The following DLC1 variants were observed in gnomAD, a reference collection of about 807,000 sequenced individuals.
DLC1 encodes the protein DLC1 Rho GTPase activating protein, also known as rho GTPase-activating protein 7.
In DLC1, 54 loss-of-function variants were observed where a neutral mutation model predicts 140.3. The observed-to-expected ratio is 0.38, with a 90% CI of 0.31 to 0.48. The LOEUF is 0.48. Ranked by LOEUF, DLC1 falls within the 20% of genes least tolerant of loss-of-function variation. The probability of loss-of-function intolerance (pLI) is 0.96; values close to 1 mark genes in which losing one functional copy is unlikely to be tolerated. For synonymous variants in DLC1, 986 were observed against 728.1 expected (o/e 1.35, Z -5.70); for missense variants, 2,536 against 1,907.0 (o/e 1.33, Z -6.14).
chr8:13,575,844 G>A (rs1478801404), intron 1 of DLC1, among the ~76,000 whole-genome samples: 1 of 152,088 alleles, frequency 6.6e-6, no homozygotes, highest in Non-Finnish European at 1.5e-5. Flanking sequence ...AATTCTGAAG[G>A]GTATAAAGGA....
chr8:13,534,774 T>C (rs1225917439), intron 1 of DLC1, among the ~76,000 whole-genome samples: 3 of 152,188 alleles, frequency 2.0e-5, no homozygotes, highest in African/African-American at 7.2e-5. Flanking sequence ...AGCAATATTT[T>C]GTTGTTAGGC....
At chr8:13,519,067 G>C (rs1293330635), upstream of DLC1, among the ~76,000 whole-genome samples, 2 of 151,934 alleles carry the variant, frequency 1.3e-5, no homozygotes, top group Admixed American at 1.3e-4. Flanking sequence ...ATGTATACAT[G>C]TGCCATGTTG....
chr8:13,234,091 A>G (rs1333813028), intron 5 of DLC1, among the ~76,000 whole-genome samples: 1 of 152,206 alleles, frequency 6.6e-6, no homozygotes, highest in South Asian at 2.1e-4. Context: ...CAGTAGGCCA[A>G]TGACAACAGT....
At chr8:13,113,177 A>G (rs982818948) in intron 6 of DLC1, among the ~76,000 whole-genome samples, 2 of 152,226 alleles carry the variant, frequency 1.3e-5, no homozygotes, top group African/African-American at 2.4e-5. Flanking sequence ...CTTTTAAAAG[A>G]TGATAGTTTA....
At chr8:13,445,698 T>C (rs1035106668) in intron 2 of DLC1, among the ~76,000 whole-genome samples, 1 of 152,166 alleles carries the variant, frequency 6.6e-6, no homozygotes, top group Non-Finnish European at 1.5e-5. Flanking sequence ...TTGAGTGATA[T>C]CATCCTACCC....
intron 5 of DLC1, among the ~76,000 whole-genome samples, chr8:13,285,264 A>C (rs1485739907): frequency 6.6e-6 from 1 of 152,172 alleles, no homozygotes. Context: ...TAATGGTGCT[A>C]AAGTTAGCTA....
chr8:13,485,330 TGAC>T (rs1359782589), intron 2 of DLC1, among the ~76,000 whole-genome samples: 3 of 152,216 alleles, frequency 2.0e-5, no homozygotes, highest in African/African-American at 7.2e-5. Context: ...AGGCTTAAAA[TGAC>T]TTCAATATAG....
chr8:13,461,375 C>T (rs1799649067), intron 2 of DLC1, among the ~76,000 whole-genome samples: 1 of 152,180 alleles, frequency 6.6e-6, no homozygotes, highest in Admixed American at 6.5e-5. Flanking sequence ...CATTTACAAA[C>T]ATGTACAGGA....
At chr8:13,197,734 T>G (rs942726791) in intron 5 of DLC1, among the ~76,000 whole-genome samples, 1 of 151,096 alleles carries the variant, frequency 6.6e-6, no homozygotes, top group Non-Finnish European at 1.5e-5. Context: ...TTTATGGGGG[T>G]AAACAAAAAA....
chr8:13,444,570 T>C (rs1798693021), intron 2 of DLC1, among the ~76,000 whole-genome samples: 1 of 152,112 alleles, frequency 6.6e-6, no homozygotes, highest in South Asian at 2.1e-4. Flanking sequence ...CAAAGAACAT[T>C]AGTATAATTT....
chr8:13,306,557 TTTGTGTGTGTGTGTGTGTGTGTGTGTGA>T (rs1832437666), intron 4 of DLC1, among the ~76,000 whole-genome samples: 2 of 125,190 alleles, frequency 1.6e-5, no homozygotes, highest in African/African-American at 5.7e-5. Context: ...TGTGTGTGTG[TTTGTGTGTGTGTGTGTGTGTGTGTGTGA>T]GAGAGAGAGA....
At chr8:13,411,572 G>T (rs1323390575) in intron 2 of DLC1, among the ~76,000 whole-genome samples, 1 of 152,176 alleles carries the variant, frequency 6.6e-6, no homozygotes, top group Non-Finnish European at 1.5e-5. Flanking sequence ...TCATTGTAGA[G>T]TCATTGATTG....
At chr8:13,372,479 T>A (rs928640093) in intron 4 of DLC1, among the ~76,000 whole-genome samples, 3 of 152,196 alleles carry the variant, frequency 2.0e-5, no homozygotes, top group Admixed American at 1.3e-4. Flanking sequence ...TGTGTTGACA[T>A]GGAAGAACAT....
At chr8:13,141,256 C>CAAAAAAAAAA (rs34321250) in intron 5 of DLC1, among the ~76,000 whole-genome samples, 1,012 of 63,690 alleles carry the variant, frequency 0.016, 121 homozygotes, top group Non-Finnish European at 0.019. Context: ...GAGTCTGTCT[C>CAAAAAAAAAA]AAAAAAAAAA....
chr8:13,218,818 T>TTATATAATTA (rs1554473141), intron 5 of DLC1, among the ~76,000 whole-genome samples: 1 of 67,696 alleles, frequency 1.5e-5, no homozygotes, highest in African/African-American at 5.2e-5. Context: ...ATATTCATAA[T>TTATATAATTA]TATATGAATA....
At chr8:13,527,880 A>G (rs1303860061) in intron 1 of DLC1, among the ~76,000 whole-genome samples, 2 of 152,160 alleles carry the variant, frequency 1.3e-5, no homozygotes, top group Admixed American at 1.3e-4. Context: ...TTCTTGGAAT[A>G]GAGGTCTCCT....
chr8:13,345,343 G>A (rs1464425690), intron 4 of DLC1, among the ~76,000 whole-genome samples: 2 of 151,794 alleles, frequency 1.3e-5, no homozygotes, highest in African/African-American at 2.4e-5. Context: ...CCCCTATAGT[G>A]AAAACAGAGA....
intron 1 of DLC1, among the ~76,000 whole-genome samples, chr8:13,514,166 A>G (rs972243652): frequency 1.3e-5 from 2 of 152,042 alleles, no homozygotes; most frequent in African/African-American, 2.4e-5. Context: ...CTCTTTGGAG[A>G]CTGATTATTA....
In DLC1 at chr8:13,476,695, A is replaced by T. The variant is rs111853550; in HGVS notation, c.1023+22354T>A. Among the ~76,000 whole-genome samples the T allele has an allele frequency of 3.8e-3, 583 of 152,320 alleles. 3 individuals carry two copies. Among genetic ancestry groups the T allele is most frequent in the African/African-American group, 0.013 (558 of 41,570 alleles). ...AGTTTTTATTCTTAGTTTCTTGAGGAGAATGACAATCATTTATTCAACTTT... is the reference window on the plus strand; with the variant it reads ...AGTTTTTATTCTTAGTTTCTTGAGGTGAATGACAATCATTTATTCAACTTT... On this transcript the variant is annotated intron_variant, in intron 2 of 17. Coordinates refer to ENST00000276297, the MANE Select transcript of DLC1 (RefSeq NM_182643.3).
Sources: allele counts gnomAD v4.1 joint callset (sites outside exome capture counted in the v4.1 genomes callset), GRCh38; gene constraint gnomAD v4.1.1; transcripts MANE v1.5; gene names NCBI Gene and HGNC (gene_info 2026-07-23, HGNC 2026-07-21).